The following HYCC2 variants were observed in gnomAD, a reference collection of about 807,000 sequenced individuals.
HYCC2 encodes the protein hyccin 2.
the HYCC2 span, among the ~76,000 whole-genome samples, chr2:201,027,070 G>A: frequency 0.023 from 3,468 of 152,066 alleles, 145 homozygotes; most frequent in African/African-American, 0.08. Context: ...CTGCTAGCAC[G>A]ACCAATAAAG....
the HYCC2 span, chr2:201,022,760 T>A: frequency 1.0e-6 from 1 of 957,528 alleles, no homozygotes. Context: ...ATTATAAAAC[T>A]TAAATTTATG....
At chr2:201,022,432 G>C in the HYCC2 span, 1 of 247,216 alleles carries the variant, frequency 4.0e-6, no homozygotes, top group African/African-American at 2.3e-5. Context: ...TGACTAGAGT[G>C]ATTATACCTA....
At chr2:201,018,367 T>C in the HYCC2 span, among the ~76,000 whole-genome samples, 3 of 152,178 alleles carry the variant, frequency 2.0e-5, no homozygotes, top group African/African-American at 7.2e-5. Context: ...AAAAAAAGAA[T>C]AATAGTTCAG....
At chr2:201,026,246 T>G in the HYCC2 span, among the ~76,000 whole-genome samples, 3 of 152,176 alleles carry the variant, frequency 2.0e-5, no homozygotes, top group Non-Finnish European at 1.5e-5. Context: ...AAGGGATCAA[T>G]GCAACAAGAA....
chr2:201,047,307 A>G, the HYCC2 span, among the ~76,000 whole-genome samples: 2 of 151,906 alleles, frequency 1.3e-5, no homozygotes, highest in African/African-American at 4.8e-5. Flanking sequence ...AAAAATACCC[A>G]AACTGAAGCA....
chr2:200,981,918 G>C, the HYCC2 span: 1 of 1,541,438 alleles, frequency 6.5e-7, no homozygotes, highest in Non-Finnish European at 8.7e-7. This position sits in a 1 kb window ranked among gnomAD's most constrained non-coding sequence, Gnocchi z 4.5. Flanking sequence ...AATTAAATAA[G>C]AAGCAGCTGT....
At chr2:201,029,917 C>T in the HYCC2 span, among the ~76,000 whole-genome samples, 2 of 152,120 alleles carry the variant, frequency 1.3e-5, no homozygotes, top group Non-Finnish European at 2.9e-5. Flanking sequence ...TACCCTAGAA[C>T]TTAAAGCATA....
the HYCC2 span, among the ~76,000 whole-genome samples, chr2:201,058,425 A>G: frequency 6.6e-6 from 1 of 152,254 alleles, no homozygotes; most frequent in African/African-American, 2.4e-5. Context: ...AATCACAGGT[A>G]TTAGGCCCAG....
chr2:200,981,970 T>C, the HYCC2 span: 63 of 1,369,048 alleles, frequency 4.6e-5, 1 homozygote, highest in South Asian at 7.9e-4. The surrounding 1 kb of genome is among the most constrained non-coding windows in gnomAD (Gnocchi z 4.5). Flanking sequence ...ATGTTCGCTA[T>C]AGGTTGTCAA....
At chr2:200,981,710 T>C in the HYCC2 span, 3 of 1,614,176 alleles carry the variant, frequency 1.9e-6, no homozygotes, top group South Asian at 2.2e-5. The surrounding 1 kb of genome is among the most constrained non-coding windows in gnomAD (Gnocchi z 4.5). Context: ...TCTTTATCCT[T>C]GGCTGAACGC....
the HYCC2 span, among the ~76,000 whole-genome samples, chr2:200,999,592 T>G: frequency 3.3e-5 from 5 of 151,058 alleles, no homozygotes; most frequent in Admixed American, 6.6e-5. Flanking sequence ...GTTTCACTAT[T>G]TTGGCCAGGC....
the HYCC2 span, among the ~76,000 whole-genome samples, chr2:200,986,992 T>C: frequency 5.9e-5 from 9 of 152,252 alleles, no homozygotes; most frequent in African/African-American, 2.2e-4. Flanking sequence ...TTCATATTGA[T>C]GAATAAGGCT....
the HYCC2 span, among the ~76,000 whole-genome samples, chr2:201,027,171 G>A: frequency 6.6e-6 from 1 of 152,272 alleles, no homozygotes; most frequent in Admixed American, 6.5e-5. Flanking sequence ...TACCATCAGA[G>A]AATACTATAA....
chr2:201,020,576 T>C, the HYCC2 span, among the ~76,000 whole-genome samples: 1 of 151,988 alleles, frequency 6.6e-6, no homozygotes, highest in Non-Finnish European at 1.5e-5. Flanking sequence ...GAAAAAAAGA[T>C]CAGTGATGGA....
the HYCC2 span, among the ~76,000 whole-genome samples, chr2:201,006,129 G>A: frequency 5.8e-5 from 8 of 138,926 alleles, no homozygotes; most frequent in African/African-American, 1.7e-4. Context: ...ATCGCGCCTG[G>A]CTTTTTTTTT....
the HYCC2 span, chr2:201,022,710 A>G: frequency 1.7e-6 from 1 of 576,220 alleles, no homozygotes; most frequent in Middle Eastern, 4.5e-4. Context: ...AGAATGAAAA[A>G]CAGCAGAAAG....
At chr2:201,050,644 A>G in the HYCC2 span, among the ~76,000 whole-genome samples, 3 of 151,796 alleles carry the variant, frequency 2.0e-5, no homozygotes, top group African/African-American at 7.3e-5. Context: ...TTTAAGAACC[A>G]TTATAATAGC....
At chr2:200,994,780 C>T in the HYCC2 span, among the ~76,000 whole-genome samples, 1 of 151,960 alleles carries the variant, frequency 6.6e-6, no homozygotes, top group East Asian at 1.9e-4. Context: ...GTAGGAAGAT[C>T]ACTTGAGGCC....
chr2:200,989,170 G>C, the HYCC2 span, among the ~76,000 whole-genome samples: 2 of 152,010 alleles, frequency 1.3e-5, no homozygotes, highest in African/African-American at 4.8e-5. Context: ...TTTGAATAGG[G>C]AAAAAGGGTA....
Sources: allele counts gnomAD v4.1 joint callset (sites outside exome capture counted in the v4.1 genomes callset), GRCh38; gene constraint gnomAD v4.1.1; non-coding constraint Gnocchi (gnomAD v3.1); transcripts MANE v1.5; gene names NCBI Gene and HGNC (gene_info 2026-07-23, HGNC 2026-07-21).